SLC30A6: variants seen among roughly 807,000 people sequenced by gnomAD.
The protein encoded by SLC30A6 is zinc transporter 6.
In SLC30A6, 55 loss-of-function variants were observed where a neutral mutation model predicts 63.0. That is an observed-to-expected ratio of 0.87 (90% CI 0.70 to 1.09). SLC30A6 has a LOEUF of 1.09. Among genes scored for constraint, SLC30A6 ranks in the 50% least tolerant of loss-of-function variants. SLC30A6 has a pLI of 0.00. For synonymous variants in SLC30A6, 224 were observed against 186.1 expected (o/e 1.20, Z -1.66); for missense variants, 587 against 549.2 (o/e 1.07, Z -0.69).
intron 5 of SLC30A6, among the ~76,000 whole-genome samples, chr2:32,184,632 G>A (rs1682644266): frequency 6.6e-6 from 1 of 152,106 alleles, no homozygotes; most frequent in African/African-American, 2.4e-5. Flanking sequence ...AGGCGTGGTG[G>A]CATGCACCTG....
intron 8 of SLC30A6, among the ~76,000 whole-genome samples, chr2:32,195,010 A>T (rs1041896386): frequency 1.3e-5 from 2 of 151,464 alleles, no homozygotes; most frequent in African/African-American, 4.9e-5. Context: ...TAACATTTCT[A>T]TGTTATTCCT....
chr2:32,213,832 C>G (rs1418678758), intron 13 of SLC30A6, among the ~76,000 whole-genome samples: 2 of 112,698 alleles, frequency 1.8e-5, no homozygotes, highest in Non-Finnish European at 3.3e-5. Context: ...GAGACGGAGT[C>G]TCACACTGTC....
intron 4 of SLC30A6, among the ~76,000 whole-genome samples, chr2:32,182,683 G>A (rs895498299): frequency 6.6e-6 from 1 of 152,136 alleles, no homozygotes; most frequent in Admixed American, 6.6e-5. Flanking sequence ...CGCAAATCCA[G>A]GGATAGAAAT....
chr2:32,169,690 C>G (rs893226079), intron 1 of SLC30A6, among the ~76,000 whole-genome samples: 1 of 152,198 alleles, frequency 6.6e-6, no homozygotes, highest in African/African-American at 2.4e-5. Context: ...CAGAATGGGG[C>G]TGCGACAGAG....
At chr2:32,202,854 G>C in intron 10 of SLC30A6, 1 of 888,780 alleles carries the variant, frequency 1.1e-6, no homozygotes, top group East Asian at 2.4e-5. Flanking sequence ...TGATGTTTTT[G>C]GAAAAATGAC....
At chr2:32,175,296 A>G (rs1290271564) in intron 3 of SLC30A6, 23 bp from the exon 4 acceptor site, 3 of 1,607,528 alleles carry the variant, frequency 1.9e-6, no homozygotes, top group African/African-American at 1.3e-5. Context: ...AATACTTTTA[A>G]TCATTTTTTT....
Position 32,180,945 on chromosome 2 carries a change from A to T in SLC30A6, c.219-3328A>T, listed in dbSNP as rs72863948. Among the ~76,000 whole-genome samples the T allele has an allele frequency of 9.5e-3, 1,454 of 152,332 alleles. 31 individuals carry two copies. The highest frequency in any genetic ancestry group is 0.033 in the African/African-American group (1,355 of 41,572). Reference sequence around the variant, plus strand: ...TCACAATCTGCCATATGAGTTAGCTATCGCTACATAACGTTTCAGATGAAA... The same window carrying T: ...TCACAATCTGCCATATGAGTTAGCTTTCGCTACATAACGTTTCAGATGAAA... On this transcript the variant is annotated intron_variant, in intron 4 of 13. Transcript: ENST00000282587.
chr2:32,208,577 G>C (rs1684985407), intron 12 of SLC30A6, among the ~76,000 whole-genome samples: 1 of 152,038 alleles, frequency 6.6e-6, no homozygotes, highest in Non-Finnish European at 1.5e-5. Context: ...ACTGTGCCCG[G>C]TCAAATGCTG....
chr2:32,185,204 G>GTT (rs1682700058), intron 5 of SLC30A6, among the ~76,000 whole-genome samples: 1 of 152,072 alleles, frequency 6.6e-6, no homozygotes, highest in South Asian at 2.1e-4. Flanking sequence ...TGCAAAAAAT[G>GTT]TTTTTAATTA....
rs139755870 is a variant in SLC30A6 at position 32,193,643 on chromosome 2, C to T, written c.402-246C>T. Among the ~76,000 whole-genome samples the T allele has an allele frequency of 2.4e-3, 372 of 152,212 alleles. 2 individuals are homozygous for T. The highest frequency in any genetic ancestry group is 8.6e-3 in the African/African-American group (358 of 41,534). On this transcript the variant is annotated intron_variant, in intron 7 of 13. Transcript: ENST00000282587. Reference sequence around the variant, plus strand: ...TGATATTTATACAGATTTATAACAGCGTTTACCTGTAGCAAGATACTGTTA... The same window carrying T: ...TGATATTTATACAGATTTATAACAGTGTTTACCTGTAGCAAGATACTGTTA...
intron 5 of SLC30A6, among the ~76,000 whole-genome samples, chr2:32,185,887 G>GT (rs1016415372): frequency 0.029 from 4,027 of 136,546 alleles, 138 homozygotes; most frequent in African/African-American, 0.092. Flanking sequence ...GCCTGGCTCA[G>GT]TTTTTTTTTT....
rs1573384291 is a variant in SLC30A6 at position 32,204,800 on chromosome 2, T to G, written c.768+108T>G. On this transcript the variant is annotated intron_variant, in intron 11 of 13. Transcript: ENST00000282587. ...AGATTGTGAAATTTTTATTTTTATT[T>G]TTTAATTTTAATTTTTTTTTTTTTT... 7.0e-6 allele frequency: 3 copies of G among 430,758 alleles called. No individual in the cohort carries two copies. In the East Asian group the frequency reaches 1.5e-4, roughly 22 times the overall value. 26.7% of individuals were successfully genotyped at this position (430,758 alleles called of 1,614,324 possible). A position where few individuals can be genotyped will look rare whatever the true frequency, so the allele number is the denominator to read the frequency against.
At position 32,175,372 on chromosome 2, in the gene SLC30A6, A is replaced by G. The variant is rs752934028; in HGVS notation, c.218+11A>G. 11 of 1,609,566 alleles carry G rather than the reference A, an allele frequency of 6.8e-6. No homozygotes were observed. Among genetic ancestry groups the G allele is most frequent in the Non-Finnish European group, 8.5e-6 (10 of 1,178,276 alleles). ...TTTTGATCTTTTTAGGTAAGTTTTT[A>G]GGAAATCTTAATGTTTTGGAGCTAA... On this transcript the variant is annotated intron_variant, in intron 4 of 13. Transcript: ENST00000282587.
intron 12 of SLC30A6, among the ~76,000 whole-genome samples, chr2:32,208,545 G>T (rs1314200404): frequency 6.6e-6 from 1 of 151,984 alleles, no homozygotes; most frequent in Non-Finnish European, 1.5e-5. Flanking sequence ...CTTCCAAAGT[G>T]CTGGGATTAC....
At chr2:32,214,995 C>G (rs1428503124) in intron 13 of SLC30A6, among the ~76,000 whole-genome samples, 1 of 152,170 alleles carries the variant, frequency 6.6e-6, no homozygotes, top group Non-Finnish European at 1.5e-5. Flanking sequence ...TAGATATTTT[C>G]TCTGTCTCAT....
intron 13 of SLC30A6, among the ~76,000 whole-genome samples, chr2:32,210,536 A>C (rs1002543600): frequency 1.2e-4 from 17 of 141,134 alleles, no homozygotes; most frequent in Non-Finnish European, 2.0e-4. Flanking sequence ...AAAAAAAAAA[A>C]AACAACAGAA....
chr2:32,204,598 T>G lies in SLC30A6; in HGVS notation c.674T>G (p.Phe225Cys). Residue 225 changes from phenylalanine (F) to cysteine (C), a missense_variant, in exon 11 of 14, where the codon TTT (phenylalanine) becomes TGT (cysteine). By Grantham distance (205) the Phe-to-Cys change is radical. Transcript: ENST00000282587. ...TYMLIEINNYFAVDTASAIAI... is the reference protein window; with the variant it reads ...TYMLIEINNYCAVDTASAIAI... Reference sequence around the variant, plus strand: ...TTGTTTTTTCCTTTTAGTAATTATTTTGCCGTAGACACTGCCTCTGCTATA... The same window carrying G: ...TTGTTTTTTCCTTTTAGTAATTATTGTGCCGTAGACACTGCCTCTGCTATA... 2 of 1,609,362 alleles carry G rather than the reference T, an allele frequency of 1.2e-6. No individual in the cohort carries two copies. The highest frequency in any genetic ancestry group is 1.7e-6 in the Non-Finnish European group (2 of 1,176,800).
intron 2 of SLC30A6, among the ~76,000 whole-genome samples, chr2:32,173,197 A>G (rs182966328): frequency 2.0e-5 from 3 of 152,294 alleles, no homozygotes; most frequent in East Asian, 3.9e-4. Context: ...TTATCAGTAC[A>G]TTGTGTTCAC....
In SLC30A6 at chr2:32,189,790, T is replaced by C. The variant is rs1441561874; in HGVS notation, c.285-2546T>C. Among the ~76,000 whole-genome samples, 4 of 151,424 alleles carry C rather than the reference T, an allele frequency of 2.6e-5. No homozygotes were observed. In the East Asian group the frequency reaches 7.8e-4, roughly 30 times the overall value. On this transcript the variant is annotated intron_variant, in intron 5 of 13. Coordinates refer to ENST00000282587, the MANE Select transcript of SLC30A6 (RefSeq NM_017964.5). ...TGCCTGGCTAATTTTTAAAATATTT[T>C]TGGAGTCAGGGGTCTCACCATATTG...
Sources: gnomAD v4.1 joint callset for allele counts (sites outside exome capture counted in the v4.1 genomes callset) on GRCh38, gnomAD v4.1.1 for gene constraint, MANE v1.5 for transcripts, NCBI Gene and HGNC (gene_info 2026-07-23, HGNC 2026-07-21) for gene names.